PTK2: variants seen among roughly 807,000 people sequenced by gnomAD.
PTK2 encodes protein tyrosine kinase 2, also known as focal adhesion kinase 1.
In PTK2, 45 loss-of-function variants were observed where a neutral mutation model predicts 150.1. The observed-to-expected ratio is 0.30, with a 90% CI of 0.24 to 0.38. The LOEUF is 0.38. PTK2 is among the 10% of genes least tolerant of loss of function. The probability of loss-of-function intolerance (pLI) is 1.00; values close to 1 mark genes in which losing one functional copy is unlikely to be tolerated. For missense variants in PTK2, 919 were observed against 1,307.3 expected (o/e 0.70, Z 4.58); for synonymous variants, 432 against 449.2 (o/e 0.96, Z 0.48).
chr8:140,986,790 T>A (rs566914129), intron 1 of PTK2, among the ~76,000 whole-genome samples: 1 of 152,350 alleles, frequency 6.6e-6, no homozygotes, highest in East Asian at 1.9e-4. Context: ...CAAAAGTAAG[T>A]GTTCTCTGGA....
chr8:140,720,412 G>A (rs1313976929), intron 22 of PTK2, among the ~76,000 whole-genome samples: 1 of 151,344 alleles, frequency 6.6e-6, no homozygotes, highest in Non-Finnish European at 1.5e-5. Flanking sequence ...GGGATCATTA[G>A]TGGTTAAAAA....
At chr8:140,731,252 G>A (rs1039055433) in intron 22 of PTK2, among the ~76,000 whole-genome samples, 14 of 152,022 alleles carry the variant, frequency 9.2e-5, no homozygotes, top group African/African-American at 1.9e-4. Context: ...GAGCCACTGC[G>A]CCCGGCTAAA....
chr8:140,972,409 C>T (rs767175979), intron 1 of PTK2, among the ~76,000 whole-genome samples: 24 of 152,196 alleles, frequency 1.6e-4, no homozygotes, highest in East Asian at 3.9e-4. Flanking sequence ...CAACTACAGG[C>T]GCACGCCACC....
rs398010102 is a variant in PTK2, at chr8:140,714,796, CAAAAA to C, written c.2142+2797_2142+2801del. Among the ~76,000 whole-genome samples the C allele has an allele frequency of 1.3e-4, 6 of 46,876 alleles. No homozygotes were observed. The East Asian group carries it at 2.5e-3, about 20-fold the overall frequency. The allele number at this position is 46,876 out of a possible 152,430, so 30.8% of individuals were successfully genotyped here. ...CGGGCAATAGAGCAAGGCTCTGTCT[CAAAAA>C]AAAAAAAAAAAAAAAAAAAAATCTA... On this transcript the variant is annotated intron_variant, in intron 23 of 31. Transcript: ENST00000522684.
At chr8:140,873,376 G>A (rs1388065898) in intron 4 of PTK2, among the ~76,000 whole-genome samples, 1 of 152,162 alleles carries the variant, frequency 6.6e-6, no homozygotes, top group Admixed American at 6.6e-5. Flanking sequence ...AGTTGACAGT[G>A]CCTTCTATGT....
intron 1 of PTK2, among the ~76,000 whole-genome samples, chr8:140,931,863 G>A (rs2100171912): frequency 6.7e-6 from 1 of 149,404 alleles, no homozygotes; most frequent in South Asian, 2.1e-4. Context: ...AGCCCAGAAG[G>A]TGGAGGCTAT....
intron 27 of PTK2, among the ~76,000 whole-genome samples, chr8:140,677,919 G>A (rs2100014798): frequency 6.6e-6 from 1 of 152,230 alleles, no homozygotes; most frequent in African/African-American, 2.4e-5. Context: ...ACAATGCAGT[G>A]GAAGGAGACA....
chr8:140,689,019 G>GA (rs1473104606), intron 26 of PTK2, among the ~76,000 whole-genome samples: 1 of 152,152 alleles, frequency 6.6e-6, no homozygotes, highest in African/African-American at 2.4e-5. Flanking sequence ...TAGCTCAAGA[G>GA]AAAATTCAGA....
chr8:140,895,262 T>C (rs1183549427), intron 2 of PTK2, among the ~76,000 whole-genome samples: 3 of 152,160 alleles, frequency 2.0e-5, no homozygotes, highest in African/African-American at 4.8e-5. Flanking sequence ...GCACAGTGAA[T>C]CACGCCTGTA....
chr8:140,793,583 T>C (rs944730025), intron 12 of PTK2, among the ~76,000 whole-genome samples, 199 bp from the exon 13 acceptor site: 4 of 152,220 alleles, frequency 2.6e-5, no homozygotes, highest in Non-Finnish European at 5.9e-5. Context: ...GAGTATTAGA[T>C]ACAATTGTTT....
intron 2 of PTK2, among the ~76,000 whole-genome samples, chr8:140,895,843 T>C (rs1043258950): frequency 8.5e-5 from 13 of 152,104 alleles, no homozygotes; most frequent in Non-Finnish European, 4.4e-5. Context: ...TAAATATATA[T>C]ATACCTACTA....
In PTK2 at chr8:140,700,949, C is replaced by T. The variant is rs765730249; in HGVS notation, c.2441G>A (p.Arg814Gln). ...ATCTTCTTCCATTTCCTGTTGCTGT[C>T]GGATTAGACGCTCTTCCATCAGATG... Residue 814 changes from arginine (R) to glutamine (Q), a missense_variant, in exon 26 of 32, where the codon CGA (arginine) becomes CAA (glutamine). Around this residue, in one of 3 missense-constraint regions of PTK2, gnomAD observed 258 missense variants for 265.4 expected, o/e 0.97. Coordinates refer to ENST00000522684, the Ensembl canonical transcript of PTK2. 55 of 1,613,928 alleles carry T rather than the reference C, an allele frequency of 3.4e-5. No individual in the cohort carries two copies. In the Admixed American group the frequency reaches 7.7e-4, roughly 23 times the overall value.
At chr8:140,672,955 T>C (rs1408463696) in intron 29 of PTK2, among the ~76,000 whole-genome samples, 1 of 152,148 alleles carries the variant, frequency 6.6e-6, no homozygotes, top group African/African-American at 2.4e-5. Context: ...GAGGTTCACA[T>C]GAGAACTGAT....
intron 14 of PTK2, among the ~76,000 whole-genome samples, chr8:140,782,505 T>C (rs1006125753): frequency 6.6e-6 from 1 of 152,198 alleles, no homozygotes; most frequent in African/African-American, 2.4e-5. Context: ...TCCAAAGTGC[T>C]AGGACTACAG....
At chr8:140,927,999 T>C (rs2100170341) in intron 1 of PTK2, among the ~76,000 whole-genome samples, 1 of 128,100 alleles carries the variant, frequency 7.8e-6, no homozygotes, top group African/African-American at 3.0e-5. Context: ...TATATGTATA[T>C]ATATAATATC....
intron 20 of PTK2, among the ~76,000 whole-genome samples, chr8:140,741,924 A>G (rs2154443001): frequency 6.6e-6 from 1 of 152,316 alleles, no homozygotes; most frequent in South Asian, 2.1e-4. Context: ...GAATAGCTTC[A>G]GCCCAGGAGT....
intron 27 of PTK2, among the ~76,000 whole-genome samples, chr8:140,677,983 T>C (rs1030573265): frequency 1.5e-5 from 2 of 134,898 alleles, no homozygotes; most frequent in Admixed American, 1.5e-4. Context: ...TAGGAGAAGC[T>C]GTGTCCCACA....
chr8:140,856,662 T>G (rs905326263), intron 5 of PTK2, among the ~76,000 whole-genome samples: 1 of 152,192 alleles, frequency 6.6e-6, no homozygotes, highest in Non-Finnish European at 1.5e-5. Context: ...AGTGGGAAAC[T>G]TCCTGGGGTG....
chr8:140,670,456 C>CAAA (rs10558474), intron 29 of PTK2, among the ~76,000 whole-genome samples: 3 of 17,836 alleles, frequency 1.7e-4, no homozygotes, highest in African/African-American at 5.2e-4. Context: ...CACTGTGTCT[C>CAAA]AAAAAAAAAA....
Sources: gnomAD v4.1 joint callset for allele counts (sites outside exome capture counted in the v4.1 genomes callset) on GRCh38, gnomAD v4.1.1 for gene constraint, gnomAD v4.1.1 regional missense constraint, MANE v1.5 for transcripts, NCBI Gene and HGNC (gene_info 2026-07-23, HGNC 2026-07-21) for gene names.